CASK: variants seen among roughly 807,000 people sequenced by gnomAD.
The protein encoded by CASK is calcium/calmodulin dependent serine protein kinase.
In CASK, 4 loss-of-function variants were observed where a neutral mutation model predicts 82.9. The ratio of observed to expected loss-of-function variants is 0.05; its 90% CI spans 0.02 to 0.11. CASK has a LOEUF of 0.11. Ranked by LOEUF, CASK falls within the 10% of genes least tolerant of loss-of-function variation. CASK has a pLI of 1.00. For missense variants in CASK, 358 were observed against 720.9 expected (o/e 0.50, Z 5.76); for synonymous variants, 259 against 253.5 (o/e 1.02, Z -0.20).
chrX:41,716,239 C>T (rs2068059078), intron 5 of CASK, among the ~76,000 whole-genome samples: 1 of 112,078 alleles, frequency 8.9e-6, no homozygotes, highest in African/African-American at 3.2e-5. Context: ...ATTATATAGC[C>T]TATAATGTTC....
chrX:41,667,193 G>A (rs2067131056), intron 6 of CASK, among the ~76,000 whole-genome samples: 1 of 111,853 alleles, frequency 8.9e-6, no homozygotes, highest in South Asian at 3.7e-4. Flanking sequence ...CAATCTTCGG[G>A]AAGATGCCTG....
At chrX:41,569,144 T>A (rs2065366248) in intron 16 of CASK, among the ~76,000 whole-genome samples, 2 of 112,432 alleles carry the variant, frequency 1.8e-5, no homozygotes, top group South Asian at 3.7e-4. Context: ...AACTCTATGA[T>A]GTCCTAATTT....
rs1327903387 is a variant in CASK, at chrX:41,578,544, G to C, written c.1315-16C>G. On this transcript the variant is annotated splice_polypyrimidine_tract_variant and intron_variant, in intron 14 of 26. Coordinates refer to ENST00000378163, the MANE Select transcript of CASK (RefSeq NM_001367721.1). ...GAAGTAAGGCCTAGTGTTTTATGAA[G>C]AAAAAAATTATTAATAACATTACTA... 2 of 1,111,841 alleles carry C rather than the reference G, an allele frequency of 1.8e-6. No individual in the cohort carries two copies. The allele number at this position is 1,111,841 out of a possible 1,213,427, so 91.6% of individuals were successfully genotyped here. A position where few individuals can be genotyped will look rare whatever the true frequency, so the allele number is the denominator to read the frequency against.
At chrX:41,727,315 C>T in intron 5 of CASK, 1 of 1,207,725 alleles carries the variant, frequency 8.3e-7, no homozygotes, top group Non-Finnish European at 1.1e-6. Flanking sequence ...TCTGGGAACT[C>T]TATCCATGCA....
intron 8 of CASK, among the ~76,000 whole-genome samples, chrX:41,656,157 G>A (rs1401869997): frequency 8.9e-6 from 1 of 112,193 alleles, no homozygotes; most frequent in Non-Finnish European, 1.9e-5. Context: ...CTGCAACAGT[G>A]CAGAGATGGG....
chrX:41,745,289 T>A (rs1353036613), intron 4 of CASK, among the ~76,000 whole-genome samples: 2 of 111,958 alleles, frequency 1.8e-5, no homozygotes, highest in Non-Finnish European at 3.8e-5. Flanking sequence ...GTGCTGGGAT[T>A]ACAGGCGTGA....
chrX:41,825,538 A>C (rs1469533475), intron 2 of CASK, among the ~76,000 whole-genome samples: 1 of 112,228 alleles, frequency 8.9e-6, no homozygotes, highest in East Asian at 2.8e-4. Flanking sequence ...AGTATGTTTT[A>C]TTTCATGAAA....
chrX:41,903,709 T>A (rs1475795392), intron 1 of CASK, among the ~76,000 whole-genome samples: 1 of 111,295 alleles, frequency 9.0e-6, no homozygotes, highest in Admixed American at 9.5e-5. Flanking sequence ...TATTTTTTGG[T>A]CTCAGATTGA....
intron 3 of CASK, among the ~76,000 whole-genome samples, chrX:41,776,670 T>G (rs1026060491): frequency 8.9e-6 from 1 of 111,880 alleles, no homozygotes; most frequent in Admixed American, 9.5e-5. Flanking sequence ...TGAGAGAAAC[T>G]GACTTACCCT....
intron 1 of CASK, among the ~76,000 whole-genome samples, chrX:41,901,335 G>A (rs1430809190): frequency 3.6e-5 from 4 of 110,553 alleles, no homozygotes; most frequent in Non-Finnish European, 7.6e-5. Flanking sequence ...CAGGCCTGTT[G>A]GCACTTGCCT....
At chrX:41,560,467 T>C (rs2065213162) in intron 17 of CASK, among the ~76,000 whole-genome samples, 1 of 106,246 alleles carries the variant, frequency 9.4e-6, no homozygotes, top group South Asian at 4.4e-4. Context: ...TTTCACCATG[T>C]TGGCCAGGCT....
At chrX:41,765,307 A>G (rs1382233554) in intron 3 of CASK, among the ~76,000 whole-genome samples, 2 of 112,369 alleles carry the variant, frequency 1.8e-5, no homozygotes, top group Non-Finnish European at 3.7e-5. Context: ...AATTTATATG[A>G]CAGAGATTAG....
chrX:41,908,372 T>TCAAA (rs755567303), intron 1 of CASK, among the ~76,000 whole-genome samples: 12 of 111,901 alleles, frequency 1.1e-4, no homozygotes, highest in Admixed American at 6.6e-4. Context: ...CAAGACTCTG[T>TCAAA]CAAACAAACA....
chrX:41,770,315 T>C (rs28691131), intron 3 of CASK, among the ~76,000 whole-genome samples: 1,370 of 86,395 alleles, frequency 0.016, 18 homozygotes, highest in African/African-American at 0.025. Flanking sequence ...TACCTACCTA[T>C]CCATCCATCC....
At chrX:41,908,131 G>T (rs1382258499) in intron 1 of CASK, among the ~76,000 whole-genome samples, 1 of 111,745 alleles carries the variant, frequency 8.9e-6, no homozygotes, top group Non-Finnish European at 1.9e-5. Flanking sequence ...AGCACTTTGG[G>T]AGGCTGAAGG....
At chrX:41,829,732 T>TATACAC (rs1569461956) in intron 2 of CASK, among the ~76,000 whole-genome samples, 1 of 33,525 alleles carries the variant, frequency 3.0e-5, no homozygotes, top group Non-Finnish European at 5.1e-5. Context: ...TATATATATA[T>TATACAC]ATATATATAT....
intron 12 of CASK, among the ~76,000 whole-genome samples, chrX:41,595,370 G>A (rs1383753564): frequency 9.0e-6 from 1 of 111,311 alleles, no homozygotes; most frequent in African/African-American, 3.3e-5. Flanking sequence ...GAGGCCATAC[G>A]AGGTAGGAAG....
chrX:41,529,450 G>T, intron 25 of CASK: 1 of 162,240 alleles, frequency 6.2e-6, no homozygotes, highest in Non-Finnish European at 1.2e-5. Flanking sequence ...AAGGCAGAAA[G>T]CCCTCGAAAG....
chrX:41,828,410 G>T (rs1047602411), intron 2 of CASK, among the ~76,000 whole-genome samples: 3 of 111,421 alleles, frequency 2.7e-5, no homozygotes, highest in Non-Finnish European at 5.6e-5. Flanking sequence ...AAAAATCACT[G>T]AATGAACAAA....
Sources: allele counts gnomAD v4.1 joint callset (sites outside exome capture counted in the v4.1 genomes callset), GRCh38; gene constraint gnomAD v4.1.1; transcripts MANE v1.5; gene names NCBI Gene and HGNC (gene_info 2026-07-23, HGNC 2026-07-21).